The following KCTD1 variants were observed in gnomAD, a reference collection of about 807,000 sequenced individuals.
KCTD1 encodes BTB/POZ domain-containing protein KCTD1.
A neutral mutation model predicts 66.0 loss-of-function variants in KCTD1; 24 were observed. That is an observed-to-expected ratio of 0.36 (90% confidence interval 0.26 to 0.51). The LOEUF (loss-of-function observed/expected upper bound fraction) is 0.51. KCTD1 is among the 20% of genes least tolerant of loss of function. The pLI is 0.95. For synonymous variants in KCTD1, 511 were observed against 517.2 expected (o/e 0.99, Z 0.16); for missense variants, 943 against 1,205.2 (o/e 0.78, Z 3.22).
At chr18:26,617,372 A>G (rs1303641415) in intron 1 of KCTD1, among the ~76,000 whole-genome samples, 1 of 152,242 alleles carries the variant, frequency 6.6e-6, no homozygotes, top group Non-Finnish European at 1.5e-5. Context: ...AAAGATGTGT[A>G]TCATAGCTGA....
intron 1 of KCTD1, among the ~76,000 whole-genome samples, chr18:26,514,642 G>C (rs1231677315): frequency 6.6e-6 from 1 of 151,972 alleles, no homozygotes; most frequent in Non-Finnish European, 1.5e-5. Flanking sequence ...CATGTGTCCT[G>C]TTGATAGGCA....
chr18:26,642,924 C>T (rs1003090969), upstream of KCTD1, among the ~76,000 whole-genome samples: 24 of 131,912 alleles, frequency 1.8e-4, no homozygotes, highest in Non-Finnish European at 3.1e-4. Context: ...TGGCGGTGGG[C>T]GGAGGGGCGT....
chr18:26,525,229 G>T lies in KCTD1; in HGVS notation c.1809+21499C>A, dbSNP rs147100638. Among the ~76,000 whole-genome samples the T allele has an allele frequency of 1.0e-2, 1,516 of 152,262 alleles. 43 individuals carry two copies. Among genetic ancestry groups the T allele is most frequent in the Admixed American group, 0.06 (917 of 15,278 alleles). ...AGCAGGAAGCTCCATTGTGCTAAGA[G>T]GGTGCAGACACACTCTGGTGAGGTA... On this transcript the variant is annotated intron_variant, in intron 1 of 4. Coordinates refer to ENST00000580059, the MANE Select transcript of KCTD1 (RefSeq NM_001142730.3).
intron 3 of KCTD1, among the ~76,000 whole-genome samples, chr18:26,465,890 T>A (rs993215935): frequency 1.2e-4 from 18 of 151,920 alleles, no homozygotes; most frequent in African/African-American, 4.1e-4. Context: ...AGAAAAGAGG[T>A]CATGGGCAGT....
chr18:26,541,486 A>T (rs1984972098), intron 1 of KCTD1, among the ~76,000 whole-genome samples: 1 of 152,214 alleles, frequency 6.6e-6, no homozygotes, highest in South Asian at 2.1e-4. Flanking sequence ...CTGCCAAATA[A>T]AAAAACCCTG....
At chr18:26,477,177 A>C (rs1981393519) in intron 2 of KCTD1, among the ~76,000 whole-genome samples, 1 of 152,248 alleles carries the variant, frequency 6.6e-6, no homozygotes, top group Non-Finnish European at 1.5e-5. Flanking sequence ...TTAAAATGTC[A>C]CTCATCTAGA....
At chr18:26,556,760 G>T (rs929319039) in intron 1 of KCTD1, among the ~76,000 whole-genome samples, 18 of 152,178 alleles carry the variant, frequency 1.2e-4, no homozygotes, top group African/African-American at 3.6e-4. Context: ...TCAATAACTT[G>T]CCCAACCTCA....
chr18:26,558,862 G>A (rs923726514), intron 1 of KCTD1, among the ~76,000 whole-genome samples: 3 of 152,046 alleles, frequency 2.0e-5, no homozygotes, highest in African/African-American at 7.2e-5. Flanking sequence ...GGTGGAGGTT[G>A]CAGTGAGCCG....
At chr18:26,475,817 A>G (rs2144599943) in intron 3 of KCTD1, among the ~76,000 whole-genome samples, 1 of 152,298 alleles carries the variant, frequency 6.6e-6, no homozygotes, top group East Asian at 1.9e-4. Flanking sequence ...ACGCCACTGC[A>G]CTCCAGCCTG....
At chr18:26,558,823 T>C (rs1985773215) in intron 1 of KCTD1, among the ~76,000 whole-genome samples, 1 of 151,856 alleles carries the variant, frequency 6.6e-6, no homozygotes, top group East Asian at 1.9e-4. Flanking sequence ...CTCAGGAGGC[T>C]GAGGCAGGAG....
chr18:26,500,437 T>TA (rs1049613854), intron 2 of KCTD1, among the ~76,000 whole-genome samples: 7 of 151,284 alleles, frequency 4.6e-5, no homozygotes, highest in Middle Eastern at 3.4e-3. Flanking sequence ...ATAATAATAA[T>TA]AAAAAAAATG....
chr18:26,515,835 G>A (rs1983628275), intron 1 of KCTD1, among the ~76,000 whole-genome samples: 1 of 152,078 alleles, frequency 6.6e-6, no homozygotes, highest in Non-Finnish European at 1.5e-5. Context: ...ATTTACCTGT[G>A]GCAGCAGACG....
chr18:26,538,946 C>T (rs999442915), intron 1 of KCTD1, among the ~76,000 whole-genome samples: 4 of 152,196 alleles, frequency 2.6e-5, no homozygotes, highest in African/African-American at 7.2e-5. Context: ...TGCCACACAC[C>T]GGAAACATTC....
chr18:26,538,902 A>T (rs1198851368), intron 1 of KCTD1, among the ~76,000 whole-genome samples: 1 of 152,148 alleles, frequency 6.6e-6, no homozygotes, highest in Non-Finnish European at 1.5e-5. Context: ...AGACCCAGCA[A>T]AGGCTGGGGG....
At chr18:26,634,060 C>T (rs537826007), upstream of KCTD1, among the ~76,000 whole-genome samples, 1 of 152,214 alleles carries the variant, frequency 6.6e-6, no homozygotes, top group South Asian at 2.1e-4. Flanking sequence ...AATCCAGATA[C>T]AAAAGATTCC....
chr18:26,528,245 C>G (rs1475707789), intron 1 of KCTD1, among the ~76,000 whole-genome samples: 2 of 152,100 alleles, frequency 1.3e-5, no homozygotes, highest in East Asian at 3.8e-4. Context: ...TGAGGAACAG[C>G]CTTTAATGGG....
intron 1 of KCTD1, among the ~76,000 whole-genome samples, chr18:26,648,627 G>A (rs1987972479): frequency 6.6e-6 from 1 of 152,170 alleles, no homozygotes; most frequent in Non-Finnish European, 1.5e-5. Context: ...TATAGTGAAC[G>A]TGAAAATATG....
intron 2 of KCTD1, among the ~76,000 whole-genome samples, chr18:26,496,856 G>T (rs1017398486): frequency 1.3e-5 from 2 of 152,098 alleles, no homozygotes; most frequent in Non-Finnish European, 2.9e-5. Flanking sequence ...TGAGATACAT[G>T]AAATAATCAT....
chr18:26,552,249 A>G (rs990359006), upstream of KCTD1, among the ~76,000 whole-genome samples: 2 of 152,202 alleles, frequency 1.3e-5, no homozygotes, highest in Non-Finnish European at 2.9e-5. Flanking sequence ...CATTTTATGA[A>G]AGGTTATACT....
Sources: allele counts gnomAD v4.1 joint callset (sites outside exome capture counted in the v4.1 genomes callset), GRCh38; gene constraint gnomAD v4.1.1; transcripts MANE v1.5; gene names NCBI Gene and HGNC (gene_info 2026-07-23, HGNC 2026-07-21).